The following UBE2H variants were observed in gnomAD, a reference collection of about 807,000 sequenced individuals.
UBE2H encodes the protein ubiquitin conjugating enzyme E2 H, also known as ubiquitin-conjugating enzyme E2 H.
Under a neutral mutation model 29.0 loss-of-function variants are expected in UBE2H, and 3 were observed. The ratio of observed to expected loss-of-function variants is 0.10; its 90% CI spans 0.05 to 0.27. The LOEUF is 0.27. Among genes scored for constraint, UBE2H ranks in the 10% least tolerant of loss-of-function variants. The pLI is 1.00. For synonymous variants in UBE2H, 69 were observed against 82.9 expected (o/e 0.83, Z 0.91); for missense variants, 68 against 228.2 (o/e 0.30, Z 4.52).
chr7:129,884,592 A>ATTTT, intron 1 of UBE2H, among the ~76,000 whole-genome samples: 1 of 133,636 alleles, frequency 7.5e-6, no homozygotes, highest in East Asian at 2.2e-4. Context: ...ACGAATTACT[A>ATTTT]TTTTTTTTTT....
intron 5 of UBE2H, among the ~76,000 whole-genome samples, chr7:129,844,061 CCAAA>C (rs1805472392): frequency 6.6e-6 from 1 of 152,328 alleles, no homozygotes; most frequent in East Asian, 1.9e-4. Context: ...TGAATTTGTT[CCAAA>C]CAAATAAAAG....
chr7:129,936,561 T>C (rs1382449581), intron 1 of UBE2H, among the ~76,000 whole-genome samples: 2 of 145,368 alleles, frequency 1.4e-5, no homozygotes, highest in Non-Finnish European at 3.0e-5. Context: ...GCCACTGCAC[T>C]CCAGCCTGGG....
chr7:129,932,379 T>C (rs1807425003), intron 1 of UBE2H, among the ~76,000 whole-genome samples: 1 of 151,730 alleles, frequency 6.6e-6, no homozygotes, highest in African/African-American at 2.4e-5. Flanking sequence ...CACCTCGGCC[T>C]CCCAAAGTGC....
intron 3 of UBE2H, among the ~76,000 whole-genome samples, chr7:129,872,937 G>C (rs2116353032): frequency 6.6e-6 from 1 of 150,760 alleles, no homozygotes; most frequent in South Asian, 2.1e-4. Context: ...AACTCTGACA[G>C]GCTGTCCAGT....
intron 5 of UBE2H, among the ~76,000 whole-genome samples, chr7:129,847,021 TA>T (rs1307997843): frequency 1.3e-4 from 19 of 143,856 alleles, no homozygotes; most frequent in Admixed American, 4.9e-4. Context: ...TTATTATTAT[TA>T]TTATTATTAT....
intron 5 of UBE2H, among the ~76,000 whole-genome samples, chr7:129,847,195 G>A (rs1277355017): frequency 2.0e-5 from 3 of 152,020 alleles, no homozygotes; most frequent in Non-Finnish European, 4.4e-5. Context: ...ACAGGTGCAC[G>A]CCCAGCTAAT....
intron 1 of UBE2H, among the ~76,000 whole-genome samples, chr7:129,890,221 G>A (rs1329112265): frequency 1.3e-5 from 2 of 151,892 alleles, no homozygotes; most frequent in African/African-American, 2.4e-5. Flanking sequence ...GACAGGTAAA[G>A]TGATACCACA....
intron 1 of UBE2H, among the ~76,000 whole-genome samples, chr7:129,897,133 C>T (rs1275710864): frequency 1.3e-5 from 2 of 151,918 alleles, no homozygotes; most frequent in African/African-American, 2.4e-5. Context: ...CAGACCATGC[C>T]TCATCTTCCT....
At chr7:129,949,000 G>C (rs910204846) in intron 1 of UBE2H, 5 of 456,768 alleles carry the variant, frequency 1.1e-5, no homozygotes, top group African/African-American at 1.0e-4. Context: ...TCCTTTTCCG[G>C]GTAGTAACAG....
intron 1 of UBE2H, among the ~76,000 whole-genome samples, 179 bp downstream of exon 1, chr7:129,952,324 C>G (rs553184840): frequency 6.6e-6 from 1 of 152,046 alleles, no homozygotes; most frequent in Non-Finnish European, 1.5e-5. Context: ...AAAAGGCGAG[C>G]TGAAAAGGCT....
intron 6 of UBE2H, among the ~76,000 whole-genome samples, chr7:129,837,004 A>G (rs1429929315): frequency 1.3e-5 from 2 of 151,870 alleles, no homozygotes; most frequent in African/African-American, 4.8e-5. Context: ...TGAGCAGGGA[A>G]GTGACAGCTT....
chr7:129,902,648 G>A (rs1436534363), intron 1 of UBE2H, among the ~76,000 whole-genome samples: 1 of 152,186 alleles, frequency 6.6e-6, no homozygotes, highest in African/African-American at 2.4e-5. Context: ...AGGTGGAGGA[G>A]CTTGTTAGAA....
At chr7:129,934,049 C>T (rs536585746) in intron 1 of UBE2H, among the ~76,000 whole-genome samples, 8 of 152,284 alleles carry the variant, frequency 5.3e-5, no homozygotes, top group Admixed American at 2.6e-4. Context: ...AAGCCAGGCA[C>T]AGTCACTCAT....
intron 1 of UBE2H, among the ~76,000 whole-genome samples, chr7:129,945,503 C>G (rs1208065496): frequency 6.6e-6 from 1 of 152,164 alleles, no homozygotes; most frequent in Non-Finnish European, 1.5e-5. Flanking sequence ...CAAAACGATA[C>G]CAACTAAAAC....
chr7:129,881,420 G>A (rs1447011753), intron 1 of UBE2H, among the ~76,000 whole-genome samples: 1 of 152,206 alleles, frequency 6.6e-6, no homozygotes, highest in Non-Finnish European at 1.5e-5. Flanking sequence ...GCCTAGGCGG[G>A]TGGATCACCT....
chr7:129,939,159 A>G (rs1357086450), intron 1 of UBE2H, among the ~76,000 whole-genome samples: 2 of 152,210 alleles, frequency 1.3e-5, no homozygotes, highest in African/African-American at 4.8e-5. Context: ...CAAATGCCAT[A>G]TAAAAGTGAC....
intron 1 of UBE2H, among the ~76,000 whole-genome samples, chr7:129,946,740 TA>T (rs1432056051): frequency 6.6e-6 from 1 of 152,234 alleles, no homozygotes; most frequent in Non-Finnish European, 1.5e-5. Context: ...AACTACTGTT[TA>T]AAGAACTAGG....
At chr7:129,891,810 C>CA (rs60595166) in intron 1 of UBE2H, among the ~76,000 whole-genome samples, 333 of 145,594 alleles carry the variant, frequency 2.3e-3, no homozygotes, top group African/African-American at 8.1e-3. Context: ...AAAACAAAAA[C>CA]AAAAAAAAAA....
intron 1 of UBE2H, among the ~76,000 whole-genome samples, chr7:129,889,031 G>A (rs1563035343): frequency 6.6e-6 from 1 of 152,156 alleles, no homozygotes; most frequent in Non-Finnish European, 1.5e-5. Flanking sequence ...CAAAGATTTA[G>A]TATAGAACTG....
Sources: gnomAD v4.1 joint callset for allele counts (sites outside exome capture counted in the v4.1 genomes callset) on GRCh38, gnomAD v4.1.1 for gene constraint, MANE v1.5 for transcripts, NCBI Gene and HGNC (gene_info 2026-07-23, HGNC 2026-07-21) for gene names.